PASK: variants seen among roughly 807,000 people sequenced by gnomAD.
PASK encodes PAS domain-containing serine/threonine-protein kinase.
Under a neutral mutation model 121.0 loss-of-function variants are expected in PASK, and 110 were observed. The observed-to-expected ratio is 0.91, with a 90% CI of 0.78 to 1.06. PASK has a LOEUF of 1.06. Among genes scored for constraint, PASK ranks in the 50% least tolerant of loss-of-function variants. The pLI, the probability that PASK is intolerant of heterozygous loss-of-function variation, is 0.00. For missense variants in PASK, 1,643 were observed against 1,702.3 expected (o/e 0.97, Z 0.61); for synonymous variants, 686 against 717.8 (o/e 0.96, Z 0.71).
At chr2:241,146,897 T>C (rs2066982870) in intron 1 of PASK, among the ~76,000 whole-genome samples, 1 of 152,184 alleles carries the variant, frequency 6.6e-6, no homozygotes, top group South Asian at 2.1e-4. Flanking sequence ...TTCTTTTGTA[T>C]GAATAAACTG....
At chr2:241,128,721 G>C (rs1454375117) in intron 9 of PASK, among the ~76,000 whole-genome samples, 1 of 152,064 alleles carries the variant, frequency 6.6e-6, no homozygotes, top group Non-Finnish European at 1.5e-5. Flanking sequence ...TTAAAAATTA[G>C]CCAGCGTGGT....
chr2:241,149,481 C>T (rs2067180464), upstream of PASK: 1 of 636,546 alleles, frequency 1.6e-6, no homozygotes, highest in Non-Finnish European at 2.7e-6. Flanking sequence ...GCGCTTTTAT[C>T]CCACCGACCA....
chr2:241,121,439 A>G (rs1308985705), intron 12 of PASK, among the ~76,000 whole-genome samples: 1 of 152,254 alleles, frequency 6.6e-6, no homozygotes, highest in Non-Finnish European at 1.5e-5. Flanking sequence ...AGAAAGTAGG[A>G]AAAATAGAGG....
intron 4 of PASK, 112 bp downstream of exon 4, chr2:241,139,773 T>C: frequency 1.0e-6 from 1 of 1,004,024 alleles, no homozygotes. Context: ...AGCTGAGATG[T>C]CCTGGTGCCA....
At chr2:241,123,882 G>A in intron 11 of PASK, 67 bp downstream of exon 11, 2 of 1,316,648 alleles carry the variant, frequency 1.5e-6, no homozygotes, top group South Asian at 2.4e-5. Flanking sequence ...AGAGAGAGAT[G>A]CCAACTAGGA....
intron 1 of PASK, among the ~76,000 whole-genome samples, chr2:241,146,447 G>C (rs1014245734): frequency 6.6e-6 from 1 of 152,102 alleles, no homozygotes; most frequent in African/African-American, 2.4e-5. Context: ...AAAAAAGGGA[G>C]GGAAGAAAGG....
At chr2:241,123,512 G>A (rs2065718793) in intron 11 of PASK, among the ~76,000 whole-genome samples, 1 of 151,728 alleles carries the variant, frequency 6.6e-6, no homozygotes, top group South Asian at 2.1e-4. Context: ...GATATTAAAA[G>A]ACAGTGTGAA....
Position 241,137,933 on chromosome 2 carries a change from C to A in PASK, c.876+20G>T, listed in dbSNP as rs10933530. 9 of 1,613,098 alleles carry A rather than the reference C, an allele frequency of 5.6e-6. No homozygotes were observed. The South Asian group carries it at 9.9e-5, about 18-fold the overall frequency. ...AAGAACTCCACCCCATCACACAGTG[C>A]GGGAGGTCAGGAGCCCTACCTTTGG... On this transcript the variant is annotated intron_variant, in intron 6 of 17. Transcript: ENST00000234040.
chr2:241,114,394 T>C, intron 14 of PASK: 1 of 986,574 alleles, frequency 1.0e-6, no homozygotes, highest in Non-Finnish European at 1.2e-6. Context: ...TTTGCTGGTA[T>C]TTCTCCAGTT....
chr2:241,150,195 C>A, upstream of PASK: 1 of 1,273,186 alleles, frequency 7.9e-7, no homozygotes, highest in Non-Finnish European at 9.9e-7. Flanking sequence ...TAGACGTCCA[C>A]TCCGTCTGCC....
intron 16 of PASK, among the ~76,000 whole-genome samples, chr2:241,107,935 C>A (rs2064954556): frequency 6.6e-6 from 1 of 152,208 alleles, no homozygotes; most frequent in Non-Finnish European, 1.5e-5. Context: ...CCTGTCCTGA[C>A]TGCAAGTGTG....
In PASK at chr2:241,127,096, G is replaced by A. The variant is rs535209348; in HGVS notation, c.1819C>T (p.Leu607=). ...AKGQLAGGSL[L]MHCPCYGSEW... is the part of the protein sequence containing the mutation. ...CTCCCATAGCAAGGGCAGTGCATCA[G>A]GAGGCTGCCCCCCGCCAGCTGACCC... The change falls in exon 10 of 18, where the codon CTG becomes TTG. Residue 607 remains leucine, a synonymous_variant. Transcript: ENST00000234040. The A allele has an allele frequency of 3.7e-6, 6 of 1,614,130 alleles. No homozygotes were observed. The Middle Eastern group carries it at 6.6e-4, about 178-fold the overall frequency.
Position 241,142,703 on chromosome 2 carries a change from A to G in PASK, c.196+134T>C, listed in dbSNP as rs1202935922. On this transcript the variant is annotated intron_variant, in intron 2 of 17. Coordinates refer to ENST00000234040, the MANE Select transcript of PASK (RefSeq NM_015148.4). ...AGTCATCTGCCAGCATGAGCCGAGCACTTAAACCACGAACTTTTCTCTGCA... is the reference window on the plus strand; with the variant it reads ...AGTCATCTGCCAGCATGAGCCGAGCGCTTAAACCACGAACTTTTCTCTGCA... 5 of 718,348 alleles carry G rather than the reference A, an allele frequency of 7.0e-6. No homozygotes were observed. In the South Asian group the frequency reaches 7.5e-5, roughly 11 times the overall value. 44.5% of individuals were successfully genotyped at this position (718,348 alleles called of 1,614,324 possible). A position where few individuals can be genotyped will look rare whatever the true frequency, so the allele number is the denominator to read the frequency against.
intron 1 of PASK, 83 bp from the exon 2 acceptor site, chr2:241,143,157 T>A: frequency 2.6e-6 from 2 of 774,442 alleles, no homozygotes; most frequent in South Asian, 2.9e-5. Context: ...AATGCTGAGT[T>A]CAGCTCGGCC....
intron 12 of PASK, among the ~76,000 whole-genome samples, chr2:241,117,154 G>A (rs1018128054): frequency 1.3e-5 from 2 of 152,180 alleles, no homozygotes; most frequent in East Asian, 3.9e-4. Context: ...AAGAATCATC[G>A]GAGCCTGGGC....
chr2:241,131,871 T>C (rs1017857622), intron 9 of PASK, among the ~76,000 whole-genome samples: 1 of 151,726 alleles, frequency 6.6e-6, no homozygotes, highest in Non-Finnish European at 1.5e-5. Flanking sequence ...CTGGCCAACA[T>C]AGTGAAACCC....
chr2:241,126,857 C>G lies in PASK; in HGVS notation c.2058G>C (p.Glu686Asp), dbSNP rs2065890273. 1.9e-6 allele frequency: 3 copies of G among 1,612,476 alleles called. No individual in the cohort carries two copies. The highest frequency in any genetic ancestry group is 1.1e-5 in the South Asian group (1 of 91,054). Residue 686 changes from glutamate (E) to aspartate (D), a missense_variant, in exon 10 of 18, where the codon GAG (glutamate) becomes GAC (aspartate). By Grantham distance (45) the Glu-to-Asp change is conservative. Transcript: ENST00000234040. ...DVPHAELVPT[E>D]CQAVTAPVSS... ...ACACAGGAGCGGTGACAGCCTGGCA[C>G]TCTGTCGGAACGAGTTCGGCGTGGG...
At chr2:241,149,576 G>T, upstream of PASK, 1 of 1,410,808 alleles carries the variant, frequency 7.1e-7, no homozygotes, top group Non-Finnish European at 9.6e-7. Context: ...CCAGAGTCTA[G>T]AAGCCCGCGC....
intron 9 of PASK, chr2:241,127,685 C>A: frequency 5.5e-6 from 3 of 549,710 alleles, no homozygotes; most frequent in Non-Finnish European, 6.6e-6. Context: ...AAAAGCCCAA[C>A]AGTAAAGTAC....
Sources: allele counts gnomAD v4.1 joint callset (sites outside exome capture counted in the v4.1 genomes callset), GRCh38; gene constraint gnomAD v4.1.1; transcripts MANE v1.5; gene names NCBI Gene and HGNC (gene_info 2026-07-23, HGNC 2026-07-21).